The following LRRC8B variants were observed in gnomAD, a reference collection of about 807,000 sequenced individuals.
LRRC8B encodes the protein leucine rich repeat containing 8 VRAC subunit B, also known as volume-regulated anion channel subunit LRRC8B.
In LRRC8B, 23 loss-of-function variants were observed where a neutral mutation model predicts 58.8. The observed-to-expected ratio is 0.39, with a 90% CI of 0.28 to 0.55. LRRC8B has a LOEUF of 0.55. LRRC8B is among the 20% of genes least tolerant of loss of function. The pLI is 0.62. For synonymous variants in LRRC8B, 359 were observed against 374.1 expected (o/e 0.96, Z 0.47); for missense variants, 694 against 936.0 (o/e 0.74, Z 3.37).
intron 5 of LRRC8B, among the ~76,000 whole-genome samples, chr1:89,589,635 C>T (rs781352604): frequency 2.0e-5 from 3 of 150,072 alleles, no homozygotes; most frequent in Non-Finnish European, 4.4e-5. Flanking sequence ...TTCTGAAGAT[C>T]ATCTATGTGA....
intron 1 of LRRC8B, among the ~76,000 whole-genome samples, chr1:89,551,204 A>G (rs147852151): frequency 4.6e-5 from 7 of 152,038 alleles, no homozygotes; most frequent in East Asian, 1.9e-4. Context: ...TACCTTATCT[A>G]TGTTGCCTTC....
At chr1:89,585,974 G>A (rs1654597153) in intron 5 of LRRC8B, among the ~76,000 whole-genome samples, 1 of 152,106 alleles carries the variant, frequency 6.6e-6, no homozygotes, top group Admixed American at 6.5e-5. Context: ...CCAGAAAATT[G>A]GGGGATGAGA....
chr1:89,569,278 C>T (rs1378319493), intron 3 of LRRC8B, among the ~76,000 whole-genome samples: 2 of 152,138 alleles, frequency 1.3e-5, no homozygotes, highest in Non-Finnish European at 2.9e-5. Context: ...CATTCTGACT[C>T]TTTGAGTTAA....
chr1:89,582,576 T>G, intron 4 of LRRC8B, 49 bp from the exon 5 acceptor site: 1 of 1,082,010 alleles, frequency 9.2e-7, no homozygotes, highest in South Asian at 1.4e-5. Context: ...AGTAAAATGC[T>G]TATTTGAGTA....
At chr1:89,568,541 A>G (rs1376568447) in intron 3 of LRRC8B, 48 bp downstream of exon 3, 1 of 152,184 alleles carries the variant, frequency 6.6e-6, no homozygotes, top group Non-Finnish European at 1.5e-5. Context: ...GATAATTACA[A>G]TTAAGTTGGT....
rs1464938163 is a variant in LRRC8B at position 89,584,177 on chromosome 1, C to T, written c.1527C>T (p.Leu509=). The T allele has an allele frequency of 1.2e-6, 2 of 1,611,426 alleles. No individual in the cohort carries two copies. The highest frequency in any genetic ancestry group is 1.7e-6 in the Non-Finnish European group (2 of 1,180,002). Residue 509 remains leucine, a synonymous_variant, in exon 5 of 6, where the codon CTC becomes CTT. Transcript: ENST00000330947. ...AAATCCCACGCTGGGTATTTCACCT[C>T]AAGAATCTCAAGGAACTTTATCTTT... The part of the protein sequence containing the change: ...MGKIPRWVFH[L]KNLKELYLSG...
chr1:89,584,938 A>G, intron 5 of LRRC8B, 149 bp downstream of exon 5: 3 of 577,968 alleles, frequency 5.2e-6, no homozygotes, highest in Non-Finnish European at 6.0e-6. Context: ...CTGAGCATCC[A>G]TTTTTAACCT....
rs143455410 is a variant in LRRC8B at position 89,564,821 on chromosome 1, AG to A, written c.-240-3425del. Among the ~76,000 whole-genome samples, 281 of 152,314 alleles carry A rather than the reference AG, an allele frequency of 1.8e-3. 3 individuals are homozygous for A. The highest frequency in any genetic ancestry group is 6.3e-3 in the African/African-American group (262 of 41,570). On this transcript the variant is annotated intron_variant, in intron 1 of 5. Coordinates refer to ENST00000330947, the MANE Select transcript of LRRC8B (RefSeq NM_001369817.2). ...TGTTTAGGGGGACAAGTAGGGTAGC[AG>A]TGTTTGTTTTAAACATCTTTTGTGT...
At chr1:89,531,343 C>T (rs1406677337) in intron 1 of LRRC8B, among the ~76,000 whole-genome samples, 2 of 152,172 alleles carry the variant, frequency 1.3e-5, no homozygotes, top group East Asian at 3.8e-4. Context: ...CATGTATGCA[C>T]AGGAGTCATA....
intron 5 of LRRC8B, among the ~76,000 whole-genome samples, chr1:89,586,184 C>A (rs1312102253): frequency 6.6e-6 from 1 of 152,202 alleles, no homozygotes; most frequent in Non-Finnish European, 1.5e-5. Flanking sequence ...GAGCCCCGCT[C>A]CCAGGGTTTC....
chr1:89,537,255 C>A (rs1443470155), intron 1 of LRRC8B, among the ~76,000 whole-genome samples: 1 of 152,158 alleles, frequency 6.6e-6, no homozygotes, highest in Non-Finnish European at 1.5e-5. Context: ...CATAGCAAGA[C>A]CCTGTCGCTT....
chr1:89,569,514 A>T (rs555928730), intron 3 of LRRC8B, among the ~76,000 whole-genome samples: 2 of 152,060 alleles, frequency 1.3e-5, no homozygotes, highest in East Asian at 3.9e-4. Flanking sequence ...CCATCTTTAT[A>T]TCTATGTGTA....
chr1:89,548,625 G>A (rs1651582436), intron 1 of LRRC8B, among the ~76,000 whole-genome samples: 1 of 152,166 alleles, frequency 6.6e-6, no homozygotes, highest in Non-Finnish European at 1.5e-5. Flanking sequence ...ACTCAGGTTT[G>A]TTTTGACCCC....
At chr1:89,585,836 G>A (rs1654586374) in intron 5 of LRRC8B, among the ~76,000 whole-genome samples, 1 of 151,782 alleles carries the variant, frequency 6.6e-6, no homozygotes, top group Non-Finnish European at 1.5e-5. Context: ...AAGAAAGAAA[G>A]AAAATGTATT....
intron 1 of LRRC8B, among the ~76,000 whole-genome samples, chr1:89,555,876 G>A (rs1557602899): frequency 6.6e-6 from 1 of 152,158 alleles, no homozygotes; most frequent in African/African-American, 2.4e-5. Context: ...GTGTAATAAA[G>A]TCATATTTGG....
intron 4 of LRRC8B, among the ~76,000 whole-genome samples, chr1:89,580,492 A>G (rs558484956): frequency 6.6e-6 from 1 of 152,192 alleles, no homozygotes; most frequent in Non-Finnish European, 1.5e-5. Flanking sequence ...TTCATCCAGC[A>G]GTGTTTTCTA....
chr1:89,528,692 C>G (rs996436810), intron 1 of LRRC8B, among the ~76,000 whole-genome samples: 3 of 152,330 alleles, frequency 2.0e-5, no homozygotes, highest in Middle Eastern at 3.4e-3. Flanking sequence ...GTTCTACAGT[C>G]TTCTGAGAAC....
At chr1:89,529,784 C>T (rs572219063) in intron 1 of LRRC8B, among the ~76,000 whole-genome samples, 1 of 152,082 alleles carries the variant, frequency 6.6e-6, no homozygotes. Flanking sequence ...TAAGCCTTAA[C>T]CTTCCTCAGC....
chr1:89,582,421 A>G (rs902285661), intron 4 of LRRC8B, among the ~76,000 whole-genome samples: 9 of 152,176 alleles, frequency 5.9e-5, no homozygotes, highest in Admixed American at 2.6e-4. Flanking sequence ...TCCCCCATCT[A>G]AGAGACTATG....
Sources: allele counts gnomAD v4.1 joint callset (sites outside exome capture counted in the v4.1 genomes callset), GRCh38; gene constraint gnomAD v4.1.1; transcripts MANE v1.5; gene names NCBI Gene and HGNC (gene_info 2026-07-23, HGNC 2026-07-21).